REPS2: variants seen among roughly 807,000 people sequenced by gnomAD.
REPS2 encodes the protein ralBP1-associated Eps domain-containing protein 2.
REPS2 carries 23 observed loss-of-function variants against 53.6 expected under a neutral mutation model. The observed-to-expected ratio is 0.43, with a 90% CI of 0.31 to 0.61. The LOEUF (loss-of-function observed/expected upper bound fraction) is 0.61, where lower values mean the gene tolerates loss of function less well. REPS2 is among the 20% of genes least tolerant of loss of function. The probability of loss-of-function intolerance (pLI) is 0.11; values close to 1 mark genes in which losing one functional copy is unlikely to be tolerated. For missense variants in REPS2, 446 were observed against 534.9 expected, an observed-to-expected ratio of 0.83 and a Z score of 1.64; for synonymous variants, 238 against 218.6, an observed-to-expected ratio of 1.09 and a Z score of -0.78.
At chrX:17,048,295 C>T (rs1186507252) in intron 6 of REPS2, among the ~76,000 whole-genome samples, 1 of 111,974 alleles carries the variant, frequency 8.9e-6, no homozygotes, top group Non-Finnish European at 1.9e-5. Flanking sequence ...ACATCATTTA[C>T]TGATTGGTGG....
intron 14 of REPS2, among the ~76,000 whole-genome samples, chrX:17,113,550 C>T (rs1476958239): frequency 9.0e-6 from 1 of 111,480 alleles, no homozygotes; most frequent in African/African-American, 3.3e-5. Flanking sequence ...ATTCATGTAT[C>T]ATGAAGAAAC....
At chrX:17,155,092 T>C (rs929578269), downstream of REPS2, among the ~76,000 whole-genome samples, 3 of 112,339 alleles carry the variant, frequency 2.7e-5, no homozygotes, top group African/African-American at 9.7e-5. Flanking sequence ...TTTCTGTTGC[T>C]TATAACAGAA....
At chrX:16,976,548 G>A (rs1448504768) in intron 1 of REPS2, among the ~76,000 whole-genome samples, 1 of 111,132 alleles carries the variant, frequency 9.0e-6, no homozygotes, top group African/African-American at 3.3e-5. Flanking sequence ...AGCAATTAGA[G>A]GTCCATGTTC....
rs1365248077 is a variant in REPS2 at position 17,078,564 on chromosome X, T to C, written c.1516+1157T>C. 2.7e-5 allele frequency among the ~76,000 whole-genome samples: 3 copies of C among 112,043 alleles called. No homozygotes were observed. The East Asian group carries it at 8.3e-4, about 31-fold the overall frequency. On this transcript the variant is annotated intron_variant, in intron 13 of 17. Transcript: ENST00000357277. ...ATTTCATAGTGACTGGTATGTAGGGTGGGAGTAACCACAGGTGATGATGCT... is the reference window on the plus strand; with the variant it reads ...ATTTCATAGTGACTGGTATGTAGGGCGGGAGTAACCACAGGTGATGATGCT...
intron 9 of REPS2, among the ~76,000 whole-genome samples, chrX:17,065,434 C>T (rs764321601): frequency 8.9e-5 from 10 of 112,225 alleles, no homozygotes; most frequent in Non-Finnish European, 1.1e-4. Context: ...CCAAGTGTCT[C>T]GTCCTTTGTC....
At chrX:17,073,096 T>C (rs767358058) in intron 11 of REPS2, among the ~76,000 whole-genome samples, 72 of 112,017 alleles carry the variant, frequency 6.4e-4, no homozygotes, top group African/African-American at 2.2e-3. Context: ...TGTCCTGTTA[T>C]CTAACCCAAG....
chrX:17,061,370 G>T (rs890268827), intron 8 of REPS2, among the ~76,000 whole-genome samples: 2 of 111,978 alleles, frequency 1.8e-5, no homozygotes, highest in African/African-American at 6.5e-5. Flanking sequence ...AAACTCCTGG[G>T]CTCGAGCAAT....
chrX:17,027,630 A>G (rs1486986603), intron 4 of REPS2, among the ~76,000 whole-genome samples: 6 of 104,920 alleles, frequency 5.7e-5, no homozygotes, highest in African/African-American at 1.1e-4. Context: ...CTGGTTTGAC[A>G]CTGAACTTCA....
the REPS2 span, among the ~76,000 whole-genome samples, chrX:17,183,253 C>T: frequency 1.8e-5 from 2 of 111,777 alleles, no homozygotes; most frequent in Admixed American, 9.5e-5. Context: ...ATGTTTTATC[C>T]GCTTTAGTAA....
At chrX:17,067,888 A>AT (rs2062246332) in intron 9 of REPS2, among the ~76,000 whole-genome samples, 1 of 112,066 alleles carries the variant, frequency 8.9e-6, no homozygotes, top group African/African-American at 3.2e-5. Flanking sequence ...AATCTGAATC[A>AT]TTTTTTTCCT....
intron 2 of REPS2, among the ~76,000 whole-genome samples, chrX:17,020,290 A>G (rs1487198213): frequency 8.9e-6 from 1 of 112,270 alleles, no homozygotes; most frequent in African/African-American, 3.2e-5. Context: ...CTGAGCATTT[A>G]TTTCTTTTCT....
chrX:17,146,820 A>T, intron 17 of REPS2, among the ~76,000 whole-genome samples: 1 of 112,018 alleles, frequency 8.9e-6, no homozygotes, highest in Non-Finnish European at 1.9e-5. Flanking sequence ...TGCCAAAAAA[A>T]TCCGTTTTAG....
intron 1 of REPS2, among the ~76,000 whole-genome samples, chrX:17,003,797 A>G (rs1244280760): frequency 8.9e-6 from 1 of 112,085 alleles, no homozygotes; most frequent in Non-Finnish European, 1.9e-5. Context: ...GAAAGAAAGT[A>G]TTATTTCAGG....
chrX:17,103,676 T>A, intron 13 of REPS2, 42 bp from the exon 14 acceptor site: 1 of 1,164,347 alleles, frequency 8.6e-7, no homozygotes, highest in Non-Finnish European at 1.2e-6. Context: ...TGTTGTTTAT[T>A]TTTGGGGGGT....
At chrX:17,164,042 C>G in the REPS2 span, among the ~76,000 whole-genome samples, 3 of 111,615 alleles carry the variant, frequency 2.7e-5, no homozygotes, top group Non-Finnish European at 5.7e-5. Context: ...AAAATAACAG[C>G]ACAAAAGAGG....
chrX:17,111,974 AT>A (rs34840382), intron 14 of REPS2, among the ~76,000 whole-genome samples: 48 of 104,504 alleles, frequency 4.6e-4, no homozygotes, highest in Admixed American at 5.2e-4. Flanking sequence ...TGGAAAGAGG[AT>A]TTTTTTTTTT....
rs372464834 is a variant in REPS2 at position 16,968,148 on chromosome X, C to A, written c.273+21014C>A. On this transcript the variant is annotated intron_variant, in intron 1 of 17. Transcript: ENST00000357277. ...ACACAGCACATGTTTCAGAGAGCAC[C>A]GGGTTGGGGGTAAGGTCACAGATCA... Among the ~76,000 whole-genome samples the A allele has an allele frequency of 4.4e-3, 484 of 110,100 alleles. 3 individuals carry two copies. Among genetic ancestry groups the A allele is most frequent in the African/African-American group, 0.015 (461 of 30,172 alleles).
intron 10 of REPS2, among the ~76,000 whole-genome samples, chrX:17,069,672 C>A (rs190001628): frequency 4.5e-5 from 5 of 111,651 alleles, no homozygotes; most frequent in African/African-American, 1.6e-4. Context: ...GGTAATACTT[C>A]TCCTATCTGC....
intron 2 of REPS2, among the ~76,000 whole-genome samples, chrX:17,008,718 G>GC (rs2061391264): frequency 8.9e-6 from 1 of 111,786 alleles, no homozygotes; most frequent in South Asian, 3.7e-4. Flanking sequence ...TTAGCTTAAT[G>GC]CTTGATGACA....
Sources: allele counts gnomAD v4.1 joint callset (sites outside exome capture counted in the v4.1 genomes callset), GRCh38; gene constraint gnomAD v4.1.1; transcripts MANE v1.5; gene names NCBI Gene and HGNC (gene_info 2026-07-23, HGNC 2026-07-21).